Variants in ARL6IP5 observed in about 807,000 individuals in gnomAD.
ARL6IP5 encodes ARF like GTPase 6 interacting protein 5.
In ARL6IP5, 6 loss-of-function variants were observed where a neutral mutation model predicts 13.0. That is an observed-to-expected ratio of 0.46 (90% CI 0.25 to 0.91). The LOEUF (loss-of-function observed/expected upper bound fraction) is 0.91, where lower values mean the gene tolerates loss of function less well. ARL6IP5 is among the 40% of genes least tolerant of loss of function. The pLI, the probability that ARL6IP5 is intolerant of heterozygous loss-of-function variation, is 0.17. For synonymous variants in ARL6IP5, 91 were observed against 91.9 expected, an observed-to-expected ratio of 0.99 and a Z score of 0.06; for missense variants, 208 against 248.8, an observed-to-expected ratio of 0.84 and a Z score of 1.10.
intron 1 of ARL6IP5, chr3:69,090,032 G>A (rs1232178002): frequency 3.2e-5 from 11 of 348,732 alleles, no homozygotes; most frequent in South Asian, 2.0e-4. Context: ...CAAAATGAAC[G>A]TGGCTTGGTG....
chr3:69,099,592 T>C (rs955455201), intron 1 of ARL6IP5, among the ~76,000 whole-genome samples: 2 of 152,216 alleles, frequency 1.3e-5, no homozygotes, highest in Non-Finnish European at 2.9e-5. Flanking sequence ...AAAGGGATTT[T>C]TGAAAAAGAA....
intron 1 of ARL6IP5, among the ~76,000 whole-genome samples, chr3:69,098,076 T>C (rs1442256288): frequency 1.3e-5 from 2 of 151,658 alleles, no homozygotes; most frequent in Non-Finnish European, 2.9e-5. Context: ...TATAGAAATT[T>C]CTATTTCTTT....
chr3:69,092,970 T>G (rs1440111789), intron 1 of ARL6IP5, among the ~76,000 whole-genome samples: 1 of 152,196 alleles, frequency 6.6e-6, no homozygotes, highest in Non-Finnish European at 1.5e-5. Context: ...ACATGAAGAT[T>G]CATTATACAT....
At chr3:69,101,335 T>C (rs1458524575) in intron 1 of ARL6IP5, among the ~76,000 whole-genome samples, 2 of 149,172 alleles carry the variant, frequency 1.3e-5, no homozygotes, top group African/African-American at 5.0e-5. Flanking sequence ...TTTTTTTTTT[T>C]TTAATGAGAT....
intron 1 of ARL6IP5, among the ~76,000 whole-genome samples, chr3:69,096,731 G>A (rs763908571): frequency 6.7e-6 from 1 of 150,104 alleles, no homozygotes; most frequent in Non-Finnish European, 1.5e-5. Context: ...AGCCTCCCAA[G>A]TAGTTGGGAT....
At chr3:69,102,751 C>T (rs749421430) in intron 2 of ARL6IP5, among the ~76,000 whole-genome samples, 7 of 152,188 alleles carry the variant, frequency 4.6e-5, no homozygotes, top group Non-Finnish European at 1.0e-4. Flanking sequence ...TGGAAGTAGA[C>T]TATTTATTCT....
intron 1 of ARL6IP5, 82 bp from the exon 2 acceptor site, chr3:69,101,757 A>C: frequency 8.5e-7 from 1 of 1,182,330 alleles, no homozygotes. Flanking sequence ...AGTTCTCAAT[A>C]ATTGTTTTTA....
chr3:69,096,597 C>CTTTTTTTTTTTTTT (rs11291168), intron 1 of ARL6IP5, among the ~76,000 whole-genome samples: 3 of 69,576 alleles, frequency 4.3e-5, no homozygotes, highest in African/African-American at 6.0e-5. Flanking sequence ...TTTTGCTTTG[C>CTTTTTTTTTTTTTT]TTTTTTTTTT....
intron 1 of ARL6IP5, among the ~76,000 whole-genome samples, chr3:69,099,698 C>G (rs1221079105): frequency 6.6e-6 from 1 of 152,202 alleles, no homozygotes; most frequent in African/African-American, 2.4e-5. Context: ...CCTCCCTTAT[C>G]CTGTCTTCCC....
At position 69,104,567 on chromosome 3, in the gene ARL6IP5, G is replaced by T; in HGVS notation, c.498G>T (p.Leu166=). The T allele has an allele frequency of 1.2e-6, 2 of 1,614,014 alleles. No homozygotes were observed. The highest frequency in any genetic ancestry group is 2.2e-5 in the South Asian group (2 of 91,080). ...AGAGGACACCGATGGGCATTGTCCTGGATGCCCTAGAACAGCAGGAAGAAG... is the reference window on the plus strand; with the variant it reads ...AGAGGACACCGATGGGCATTGTCCTTGATGCCCTAGAACAGCAGGAAGAAG... ...GLKRTPMGIV[L]DALEQQEEGI... is the part of the protein sequence containing the mutation. Residue 166 remains leucine, a synonymous_variant, in exon 3 of 3, where the codon CTG becomes CTT. Coordinates refer to ENST00000273258, the MANE Select transcript of ARL6IP5 (RefSeq NM_006407.4).
chr3:69,089,435 AGCTCTT>A (rs146709974), intron 1 of ARL6IP5, among the ~76,000 whole-genome samples: 4,368 of 152,230 alleles, frequency 0.029, 170 homozygotes, highest in African/African-American at 0.092. Flanking sequence ...AATTTTCTAA[AGCTCTT>A]GATTAACCAA....
intron 2 of ARL6IP5, among the ~76,000 whole-genome samples, chr3:69,103,424 C>A (rs1053279166): frequency 2.6e-5 from 4 of 152,092 alleles, no homozygotes; most frequent in Admixed American, 6.6e-5. Context: ...TAAGTGATTC[C>A]CAAACGGATA....
rs7038 is a variant in ARL6IP5 at position 69,104,703 on chromosome 3, G to T, written c.*67G>T. The T allele has an allele frequency of 0.44, 684,371 of 1,560,864 alleles. 154,562 individuals are homozygous for T. Among genetic ancestry groups the T allele is most frequent in the African/African-American group, 0.67 (48,873 of 73,080 alleles). ...GCAGCTTGCCCTTGTCCAGACCTAT[G>T]TTCTGCTTGCGTTTTTGAAACAGGA... On this transcript the variant is annotated 3_prime_UTR_variant, in exon 3 of 3. Coordinates refer to ENST00000273258, the MANE Select transcript of ARL6IP5 (RefSeq NM_006407.4).
At chr3:69,093,873 G>A (rs539965663) in intron 1 of ARL6IP5, among the ~76,000 whole-genome samples, 1 of 152,298 alleles carries the variant, frequency 6.6e-6, no homozygotes, top group South Asian at 2.1e-4. Flanking sequence ...AAGGTCACTT[G>A]AGTGTGGGAG....
chr3:69,098,301 A>G (rs1261304305), intron 1 of ARL6IP5, among the ~76,000 whole-genome samples: 3 of 143,970 alleles, frequency 2.1e-5, no homozygotes, highest in African/African-American at 2.6e-5. Context: ...CTGGAGTGCA[A>G]TGGCACCATC....
Position 69,104,771 on chromosome 3 carries a change from A to G in ARL6IP5, c.*135A>G. 2 of 969,408 alleles carry G rather than the reference A, an allele frequency of 2.1e-6. No individual in the cohort carries two copies. Among genetic ancestry groups the G allele is most frequent in the Non-Finnish European group, 3.2e-6 (2 of 627,322 alleles). The allele number at this position is 969,408 out of a possible 1,614,324, so 60.1% of individuals were successfully genotyped here. The stretch of plus-strand genomic sequence containing the variant: ...ATTATCTATGGCAGCATGCATGTAT[A>G]GGCCGAACTATTATCAGCTCTGATG... On this transcript the variant is annotated 3_prime_UTR_variant, in exon 3 of 3. Coordinates refer to ENST00000273258, the MANE Select transcript of ARL6IP5 (RefSeq NM_006407.4).
chr3:69,104,052 A>C (rs954139429), intron 2 of ARL6IP5, among the ~76,000 whole-genome samples: 18 of 152,292 alleles, frequency 1.2e-4, no homozygotes, highest in African/African-American at 4.3e-4. Flanking sequence ...GCAGGGAACA[A>C]GATACAGATA....
At chr3:69,086,722 CTT>C (rs1207661746) in intron 1 of ARL6IP5, among the ~76,000 whole-genome samples, 28 of 132,396 alleles carry the variant, frequency 2.1e-4, no homozygotes, top group Admixed American at 2.3e-4. Flanking sequence ...TAAAAAATTT[CTT>C]TTTTTTTTTT....
intron 1 of ARL6IP5, among the ~76,000 whole-genome samples, chr3:69,097,158 G>GTATC (rs936950311): frequency 6.6e-6 from 1 of 151,766 alleles, no homozygotes; most frequent in African/African-American, 2.4e-5. Context: ...GTTTCTCTAA[G>GTATC]TATCTTTTTA....
Sources: allele counts gnomAD v4.1 joint callset (sites outside exome capture counted in the v4.1 genomes callset), GRCh38; gene constraint gnomAD v4.1.1; transcripts MANE v1.5; gene names NCBI Gene and HGNC (gene_info 2026-07-23, HGNC 2026-07-21).